Variants in MUC3A observed in about 807,000 individuals in gnomAD.
MUC3A encodes the protein mucin-3A.
A neutral mutation model predicts 109.0 loss-of-function variants in MUC3A; 109 were observed. That is an observed-to-expected ratio of 1.00 (90% CI 0.86 to 1.17). MUC3A has a LOEUF of 1.17. Ranked by LOEUF, MUC3A falls within the 50% of genes most tolerant of loss-of-function variation. MUC3A has a pLI of 0.00. For missense variants in MUC3A, 3,537 were observed against 2,469.4 expected (o/e 1.43, Z -9.16); for synonymous variants, 1,398 against 981.4 (o/e 1.42, Z -7.93).
chr7:100,967,045 C>A, intron 11 of MUC3A, 76 bp from the exon 12 acceptor site: 2 of 1,598,442 alleles, frequency 1.3e-6, no homozygotes, highest in South Asian at 1.1e-5. Flanking sequence ...GGGGGCTGGG[C>A]TCGGATCAGC....
intron 6 of MUC3A, 158 bp downstream of exon 6, chr7:100,965,001 G>T (rs1242199168): frequency 1.6e-6 from 2 of 1,243,538 alleles, no homozygotes; most frequent in East Asian, 2.5e-5. Context: ...TCAAGGGTGG[G>T]GCTAGGGAGG....
chr7:100,963,503 T>C lies in MUC3A; in HGVS notation c.9169-185T>C, dbSNP rs574943045. 3.3e-5 allele frequency among the ~76,000 whole-genome samples: 5 copies of C among 152,426 alleles called. No individual in the cohort carries two copies. The East Asian group carries it at 9.6e-4, about 29-fold the overall frequency. On this transcript the variant is annotated intron_variant, in intron 4 of 11. Transcript: ENST00000379458. Reference sequence around the variant, plus strand: ...GTTTTCACTATGTTGGCCAGACTGGTCTCGAACTACTGACTTTGTGATCCA... The same window carrying C: ...GTTTTCACTATGTTGGCCAGACTGGCCTCGAACTACTGACTTTGTGATCCA...
chr7:100,966,458 C>T lies in MUC3A; in HGVS notation c.9684C>T (p.Val3228=), dbSNP rs758270923. 9 of 1,343,982 alleles carry T rather than the reference C, an allele frequency of 6.7e-6. No homozygotes were observed. The East Asian group carries it at 8.4e-5, about 12-fold the overall frequency. The allele number at this position is 1,343,982 out of a possible 1,614,324, so 83.3% of individuals were successfully genotyped here. ...CEVAVHWRAL[V]GGLTAGAALL... The stretch of plus-strand genomic sequence containing the variant: ...TGGCCGTCCACTGGAGGGCGCTGGT[C>T]GGGGGCCTGACGGCCGGCGCCGCGC... The change falls in exon 9 of 12, where the codon GTC becomes GTT. Residue 3228 remains valine, a synonymous_variant. Transcript: ENST00000379458.
At chr7:100,965,018 C>T (rs587614597) in intron 6 of MUC3A, 175 bp downstream of exon 6, 1,402 of 1,181,798 alleles carry the variant, frequency 1.2e-3, no homozygotes, top group Non-Finnish European at 1.5e-3. Flanking sequence ...GAGGGTCTCC[C>T]CGTGACCTCG....
intron 3 of MUC3A, among the ~76,000 whole-genome samples, chr7:100,961,232 A>G (rs988627247): frequency 6.6e-6 from 1 of 152,312 alleles, no homozygotes; most frequent in Admixed American, 6.5e-5. Flanking sequence ...GGCTGCTGGA[A>G]CAACACGACA....
At chr7:100,951,505 G>A (rs1791940432) in intron 1 of MUC3A, among the ~76,000 whole-genome samples, 1 of 152,288 alleles carries the variant, frequency 6.6e-6, no homozygotes, top group Non-Finnish European at 1.5e-5. Flanking sequence ...AGAGGGAGGA[G>A]GAGCCTGGGT....
chr7:100,955,264 C>G lies in MUC3A; in HGVS notation c.3485C>G (p.Thr1162Arg). The change falls in exon 2 of 12, where the codon ACA (threonine) becomes AGA (arginine). Residue 1162 changes from threonine (T) to arginine (R), a missense_variant. By Grantham distance (71) the Thr-to-Arg change is moderately conservative. Coordinates refer to ENST00000379458, the MANE Select transcript of MUC3A (RefSeq NM_005960.2). ...TTCACTTCTTCAACCATCTACTCCA[C>G]AGTCAGCACATCCACAACTGCCATC... is the stretch of plus-strand genomic sequence containing the variant. ...PSFTSSTIYS[T>R]VSTSTTAISS... The G allele has an allele frequency of 1.3e-6, 1 of 764,654 alleles. No homozygotes were observed. The highest frequency in any genetic ancestry group is 2.4e-6 in the Non-Finnish European group (1 of 417,756). The allele number at this position is 764,654 out of a possible 1,614,324, so 47.4% of individuals were successfully genotyped here. A position where few individuals can be genotyped will look rare whatever the true frequency, so the allele number is the denominator to read the frequency against.
rs781672226 is a variant in MUC3A, at chr7:100,960,830, T to C, written c.8945T>C (p.Leu2982Pro). The C allele has an allele frequency of 1.3e-6, 2 of 1,598,542 alleles. No individual in the cohort carries two copies. Among genetic ancestry groups the C allele is most frequent in the South Asian group, 1.1e-5 (1 of 91,092 alleles). ...LPGFSGDRCQ[L>P]QTRCQNGGQW... ...GGGTTTTCTGGGGACCGCTGTCAGC[T>C]CCAGACCAGATGCCAGAATGGGGGT... The change falls in exon 3 of 12, where the codon CTC (leucine) becomes CCC (proline). Residue 2982 changes from leucine to proline, a missense_variant. Transcript: ENST00000379458.
rs779034433 is a variant in MUC3A at position 100,959,214 on chromosome 7, T to G, written c.7435T>G (p.Ser2479Ala). ...AVTPTPVTPS[S>A]LSTDIPTTSL... Reference sequence around the variant, plus strand: ...GACTCCCACACCTGTAACCCCATCTTCTCTGAGTACAGACATCCCGACCAC... The same window carrying G: ...GACTCCCACACCTGTAACCCCATCTGCTCTGAGTACAGACATCCCGACCAC... The change falls in exon 2 of 12, where the codon TCT becomes GCT. Residue 2479 changes from serine (S) to alanine (A), a missense_variant. Transcript: ENST00000379458. 3.4e-5 allele frequency: 54 copies of G among 1,598,394 alleles called. No homozygotes were observed. Among genetic ancestry groups the G allele is most frequent in the Middle Eastern group, 3.3e-4 (2 of 6,082 alleles).
rs953120670 is a variant in MUC3A at position 100,957,484 on chromosome 7, A to G, written c.5705A>G (p.His1902Arg). The change falls in exon 2 of 12, where the codon CAC (histidine) becomes CGC (arginine). Residue 1902 changes from histidine to arginine, a missense_variant. Coordinates refer to ENST00000379458, the MANE Select transcript of MUC3A (RefSeq NM_005960.2). Reference protein sequence around the residue: ...LVTTTTKITSHSTPSFTSSIA... With the variant: ...LVTTTTKITSRSTPSFTSSIA... ...ACCACGACCACCAAGATCACCTCAC[A>G]CAGTACTCCTAGCTTCACTTCTTCA... The G allele has an allele frequency of 1.9e-4, 291 of 1,522,318 alleles. No homozygotes were observed. The highest frequency in any genetic ancestry group is 1.4e-4 in the Non-Finnish European group (160 of 1,128,440). 94.3% of individuals were successfully genotyped at this position (1,522,318 alleles called of 1,614,324 possible).
rs1792023814 is a variant in MUC3A at position 100,953,372 on chromosome 7, A to AGT, written c.1593_1594insGT (p.Thr532ValfsTer99). ...GTTCCCTCCTGACGACCTTCCCAGC[A>AGT]ACATATTCATTTTCATCTTCCATGT... On this transcript the variant is annotated frameshift_variant, in exon 2 of 12. Transcript: ENST00000379458. LOFTEE classifies it high-confidence loss of function. The AGT allele has an allele frequency of 0.11, 49,082 of 444,388 alleles. 900 individuals are homozygous for AGT. The highest frequency in any genetic ancestry group is 0.37 in the East Asian group (11,338 of 30,306). 27.5% of individuals were successfully genotyped at this position (444,388 alleles called of 1,614,324 possible). A position where few individuals can be genotyped will look rare whatever the true frequency, so the allele number is the denominator to read the frequency against.
At position 100,957,767 on chromosome 7, in the gene MUC3A, C is replaced by T; in HGVS notation, c.5988C>T (p.Ile1996=). The T allele has an allele frequency of 1.8e-6, 2 of 1,140,248 alleles. No individual in the cohort carries two copies. The highest frequency in any genetic ancestry group is 2.4e-6 in the Non-Finnish European group (2 of 832,494). 70.6% of individuals were successfully genotyped at this position (1,140,248 alleles called of 1,614,324 possible). The change falls in exon 2 of 12, where the codon ATC becomes ATT. Residue 1996 remains isoleucine (I), a synonymous_variant. Transcript: ENST00000379458. The part of the protein sequence containing the change: ...SHSTPSYTSL[I]TTTTTTSHST... ...GTACTCCCAGCTACACTTCTTTGATCACCACAACCACCACCACCTCACACA... is the reference window on the plus strand; with the variant it reads ...GTACTCCCAGCTACACTTCTTTGATTACCACAACCACCACCACCTCACACA...
Position 100,968,079 on chromosome 7 carries a change from C to G in MUC3A, c.*917C>G. On this transcript the variant is annotated 3_prime_UTR_variant, in exon 12 of 12. Coordinates refer to ENST00000379458, the MANE Select transcript of MUC3A (RefSeq NM_005960.2). Reference sequence around the variant, plus strand: ...GGGTGGGGGCAGGGCATGAGTTCCCCAGTCCCCAAGGAAAGGCAGCCCCCT... The same window carrying G: ...GGGTGGGGGCAGGGCATGAGTTCCCGAGTCCCCAAGGAAAGGCAGCCCCCT... 6.6e-6 allele frequency: 1 copy of G among 152,530 alleles called. No individual in the cohort carries two copies. The highest frequency in any genetic ancestry group is 1.4e-5 in the Non-Finnish European group (1 of 69,058). The allele number at this position is 152,530 out of a possible 1,614,324, so 9.4% of individuals were successfully genotyped here. A position where few individuals can be genotyped will look rare whatever the true frequency, so the allele number is the denominator to read the frequency against.
chr7:100,957,960 T>G lies in MUC3A; in HGVS notation c.6181T>G (p.Ser2061Ala), dbSNP rs1792146283. The change falls in exon 2 of 12, where the codon TCA becomes GCA. Residue 2061 changes from serine to alanine, a missense_variant. By Grantham distance (99) the Ser-to-Ala change is moderately conservative. Transcript: ENST00000379458. ...TTSHSTPSFT[S>A]LITITEITSH... is the part of the protein sequence containing the mutation. ...ATCCCACAGTACTCCCAGCTTCACT[T>G]CATTGATCACCATCACCGAGATCAC... 5 of 748,318 alleles carry G rather than the reference T, an allele frequency of 6.7e-6. No homozygotes were observed. The highest frequency in any genetic ancestry group is 3.9e-5 in the African/African-American group (2 of 50,820). 46.4% of individuals were successfully genotyped at this position (748,318 alleles called of 1,614,324 possible). A position where few individuals can be genotyped will look rare whatever the true frequency, so the allele number is the denominator to read the frequency against.
At position 100,960,155 on chromosome 7, in the gene MUC3A, C is replaced by A. The variant is rs777369475; in HGVS notation, c.8376C>A (p.Ser2792Arg). 1.4e-5 allele frequency: 22 copies of A among 1,564,692 alleles called. No homozygotes were observed. The East Asian group carries it at 2.0e-4, about 14-fold the overall frequency. Residue 2792 changes from serine (S) to arginine (R), a missense_variant, in exon 2 of 12, where the codon AGC becomes AGA. By Grantham distance (110) the Ser-to-Arg change is moderately radical. Coordinates refer to ENST00000379458, the MANE Select transcript of MUC3A (RefSeq NM_005960.2). ...PTDPCVEMDP[S>R]TEATSPPTTP... ...ATCCATGTGTTGAAATGGATCCCAG[C>A]ACTGAAGCTACTTCTCCTCCCACCA...
rs750893316 is a variant in MUC3A at position 100,958,763 on chromosome 7, C to T, written c.6984C>T (p.Ile2328=). 1.9e-6 allele frequency: 2 copies of T among 1,036,294 alleles called. No individual in the cohort carries two copies. The highest frequency in any genetic ancestry group is 4.0e-5 in the East Asian group (1 of 24,692). The allele number at this position is 1,036,294 out of a possible 1,614,324, so 64.2% of individuals were successfully genotyped here. ...GTGCTCACAGCTTCACTTCTTCGATCACCACCACCGAGACCACCTCACACA... is the reference window on the plus strand; with the variant it reads ...GTGCTCACAGCTTCACTTCTTCGATTACCACCACCGAGACCACCTCACACA... ...SHSAHSFTSS[I]TTTETTSHNT... is the part of the protein sequence containing the mutation. Residue 2328 remains isoleucine (I), a synonymous_variant, in exon 2 of 12, where the codon ATC becomes ATT. Transcript: ENST00000379458.
In MUC3A at chr7:100,957,476, C is replaced by A; in HGVS notation, c.5697C>A (p.Ile1899=). 1 of 1,477,394 alleles carries A rather than the reference C, an allele frequency of 6.8e-7. No homozygotes were observed. The highest frequency in any genetic ancestry group is 1.3e-5 in the South Asian group (1 of 78,892). The allele number at this position is 1,477,394 out of a possible 1,614,324, so 91.5% of individuals were successfully genotyped here. A position where few individuals can be genotyped will look rare whatever the true frequency, so the allele number is the denominator to read the frequency against. The change falls in exon 2 of 12, where the codon ATC becomes ATA. Residue 1899 remains isoleucine (I), a synonymous_variant. Transcript: ENST00000379458. ...ACTTGGTAACCACGACCACCAAGAT[C>A]ACCTCACACAGTACTCCTAGCTTCA... ...TTNLVTTTTK[I]TSHSTPSFTS...
intron 10 of MUC3A, 32 bp downstream of exon 10, chr7:100,966,775 G>C (rs778262067): frequency 3.1e-6 from 5 of 1,598,520 alleles, no homozygotes; most frequent in Non-Finnish European, 8.5e-7. Context: ...AGCAGGCAGA[G>C]GCTTTCCTGG....
intron 3 of MUC3A, among the ~76,000 whole-genome samples, chr7:100,962,617 T>C (rs1195100019): frequency 6.6e-6 from 1 of 152,284 alleles, no homozygotes; most frequent in Admixed American, 6.5e-5. Flanking sequence ...AATTCCTTCC[T>C]TCCTCTCGCT....
Sources: allele counts gnomAD v4.1 joint callset (sites outside exome capture counted in the v4.1 genomes callset), GRCh38; gene constraint gnomAD v4.1.1; transcripts MANE v1.5; gene names NCBI Gene and HGNC (gene_info 2026-07-23, HGNC 2026-07-21).